NFIA: variants seen among roughly 807,000 people sequenced by gnomAD.
NFIA encodes nuclear factor I A, also known as nuclear factor 1 A-type.
A neutral mutation model predicts 62.8 loss-of-function variants in NFIA; 8 were observed. That is an observed-to-expected ratio of 0.13 (90% confidence interval 0.07 to 0.23). NFIA has a LOEUF of 0.23. Among genes scored for constraint, NFIA ranks in the 10% least tolerant of loss-of-function variants. The pLI is 1.00. For synonymous variants in NFIA, 235 were observed against 238.1 expected (o/e 0.99, Z 0.12); for missense variants, 410 against 642.1 (o/e 0.64, Z 3.91).
At chr1:61,354,480 C>A (rs1233737882) in intron 5 of NFIA, among the ~76,000 whole-genome samples, 1 of 152,074 alleles carries the variant, frequency 6.6e-6, no homozygotes, top group Admixed American at 6.6e-5. Flanking sequence ...GAGTTGTATA[C>A]CTGTTCTGAT....
chr1:61,402,531 GA>G (rs1411963432), intron 7 of NFIA, among the ~76,000 whole-genome samples: 1 of 152,204 alleles, frequency 6.6e-6, no homozygotes, highest in Non-Finnish European at 1.5e-5. Context: ...GCAGTGGGTT[GA>G]AAAGGTATTT....
chr1:61,201,831 A>G (rs1245362767), intron 2 of NFIA, among the ~76,000 whole-genome samples: 1 of 152,060 alleles, frequency 6.6e-6, no homozygotes, highest in Non-Finnish European at 1.5e-5. Flanking sequence ...TGTAGCTCCA[A>G]ATAAAAACTG....
Position 61,407,074 on chromosome 1 carries a change from C to T in NFIA, c.1420+347C>T, listed in dbSNP as rs116115094. ...CATGGATTCTGCTTAGAAAAAGTTCCTCATTCTTACAGACAGCCCTGCCTT... is the reference window on the plus strand; with the variant it reads ...CATGGATTCTGCTTAGAAAAAGTTCTTCATTCTTACAGACAGCCCTGCCTT... On this transcript the variant is annotated intron_variant, in intron 9 of 10. Transcript: ENST00000403491. 8.9e-3 allele frequency among the ~76,000 whole-genome samples: 1,348 copies of T among 152,306 alleles called. 15 individuals are homozygous for T. Among genetic ancestry groups the T allele is most frequent in the African/African-American group, 0.031 (1,296 of 41,568 alleles).
chr1:61,288,372 A>G (rs1377766895), intron 3 of NFIA, among the ~76,000 whole-genome samples: 1 of 152,176 alleles, frequency 6.6e-6, no homozygotes, highest in African/African-American at 2.4e-5. Context: ...TGTAATTGGG[A>G]CAACTTTGCT....
intron 6 of NFIA, among the ~76,000 whole-genome samples, chr1:61,367,414 C>A (rs1395968181): frequency 6.6e-6 from 1 of 152,214 alleles, no homozygotes; most frequent in Non-Finnish European, 1.5e-5. Flanking sequence ...GTCACTGCTA[C>A]AGAACATTGC....
chr1:61,209,081 G>A (rs1653074243), intron 2 of NFIA, among the ~76,000 whole-genome samples: 1 of 151,924 alleles, frequency 6.6e-6, no homozygotes, highest in Non-Finnish European at 1.5e-5. Context: ...AAGAACTGCT[G>A]TATTAAGGAA....
At chr1:61,283,600 A>AAAAGAAAAAAG (rs1422208625) in intron 3 of NFIA, among the ~76,000 whole-genome samples, 10 of 143,902 alleles carry the variant, frequency 6.9e-5, no homozygotes, top group African/African-American at 2.5e-4. Context: ...AAAAAAAAAA[A>AAAAGAAAAAAG]AAAAAAAAGA....
intron 6 of NFIA, among the ~76,000 whole-genome samples, chr1:61,364,894 C>A (rs575508580): frequency 7.9e-5 from 12 of 152,304 alleles, no homozygotes; most frequent in Admixed American, 7.2e-4. Flanking sequence ...GGACCTGCAA[C>A]ATGGCATCAC....
chr1:61,328,723 ATTTTTT>A (rs35979153), intron 3 of NFIA, among the ~76,000 whole-genome samples: 3 of 108,932 alleles, frequency 2.8e-5, no homozygotes, highest in African/African-American at 1.0e-4. Context: ...CCGGCCTATA[ATTTTTT>A]TTTTTTTTTT....
In NFIA at chr1:61,280,151, T is replaced by C. The variant is rs150329455; in HGVS notation, c.625+2566T>C. Among the ~76,000 whole-genome samples, 70 of 152,310 alleles carry C rather than the reference T, an allele frequency of 4.6e-4. No individual in the cohort carries two copies. The East Asian group carries it at 7.3e-3, about 16-fold the overall frequency. On this transcript the variant is annotated intron_variant, in intron 3 of 10. Transcript: ENST00000403491. ...AGTGGAGGAAAAATGATTTTTCTCT[T>C]TTCCTTAAAGACACGTAATCCCAAA...
At chr1:61,361,782 G>GGTGT (rs61410878) in intron 6 of NFIA, among the ~76,000 whole-genome samples, 2,163 of 142,200 alleles carry the variant, frequency 0.015, 25 homozygotes, top group African/African-American at 0.026. Context: ...TTTGGTAAGA[G>GGTGT]GTGTGTGTGT....
At chr1:61,315,681 A>G (rs745442130) in intron 3 of NFIA, among the ~76,000 whole-genome samples, 4 of 152,160 alleles carry the variant, frequency 2.6e-5, no homozygotes, top group South Asian at 2.1e-4. Context: ...AAAGGCACTC[A>G]TTGGAATTCA....
chr1:61,359,302 G>C, intron 6 of NFIA, 28 bp downstream of exon 6: 1 of 1,611,826 alleles, frequency 6.2e-7, no homozygotes, highest in Middle Eastern at 2.2e-4. Context: ...ACGGGCATGT[G>C]GCTAACACTG....
chr1:61,252,818 T>C (rs529034331), intron 2 of NFIA, among the ~76,000 whole-genome samples: 2 of 152,360 alleles, frequency 1.3e-5, no homozygotes, highest in East Asian at 3.9e-4. Context: ...ATCTTCTTCA[T>C]CCATTTTTTC....
At chr1:61,174,098 C>T (rs574043178) in intron 2 of NFIA, among the ~76,000 whole-genome samples, 1 of 152,268 alleles carries the variant, frequency 6.6e-6, no homozygotes, top group African/African-American at 2.4e-5. Flanking sequence ...TATCTTTCAG[C>T]TTTCATTTTG....
intron 3 of NFIA, among the ~76,000 whole-genome samples, chr1:61,309,973 G>C (rs1483570636): frequency 1.3e-5 from 2 of 152,190 alleles, no homozygotes; most frequent in Non-Finnish European, 2.9e-5. Context: ...AAAAGCAGTT[G>C]CTTCTCTTTT....
At chr1:61,427,711 C>G (rs1489264148) in intron 10 of NFIA, among the ~76,000 whole-genome samples, 3 of 152,154 alleles carry the variant, frequency 2.0e-5, no homozygotes, top group Admixed American at 1.3e-4. Context: ...AGTACAGCAT[C>G]AGCAGAGAAG....
intron 2 of NFIA, among the ~76,000 whole-genome samples, chr1:61,120,844 G>A (rs1248421639): frequency 1.3e-5 from 2 of 152,114 alleles, no homozygotes; most frequent in Non-Finnish European, 2.9e-5. Context: ...AATTTCTGGG[G>A]CATAAGATCC....
At chr1:61,319,854 C>T (rs929440745) in intron 3 of NFIA, among the ~76,000 whole-genome samples, 16 of 150,960 alleles carry the variant, frequency 1.1e-4, no homozygotes, top group African/African-American at 3.7e-4. Flanking sequence ...CATGATCACA[C>T]TCTATTAAGC....
Sources: gnomAD v4.1 joint callset for allele counts (sites outside exome capture counted in the v4.1 genomes callset) on GRCh38, gnomAD v4.1.1 for gene constraint, MANE v1.5 for transcripts, NCBI Gene and HGNC (gene_info 2026-07-23, HGNC 2026-07-21) for gene names.